The following UBN2 variants were observed in gnomAD, a reference collection of about 807,000 sequenced individuals.
UBN2 encodes the protein ubinuclein-2.
A neutral mutation model predicts 120.2 loss-of-function variants in UBN2; 35 were observed. The observed-to-expected ratio is 0.29, with a 90% confidence interval of 0.22 to 0.39. The LOEUF is 0.39. Ranked by LOEUF, UBN2 falls within the 10% of genes least tolerant of loss-of-function variation. The pLI is 1.00. For synonymous variants in UBN2, 661 were observed against 648.7 expected (o/e 1.02, Z -0.29); for missense variants, 1,693 against 1,663.2 (o/e 1.02, Z -0.31).
intron 3 of UBN2, 47 bp downstream of exon 3, chr7:139,252,104 G>A: frequency 6.6e-7 from 1 of 1,514,444 alleles, no homozygotes; most frequent in Non-Finnish European, 9.2e-7. Context: ...TGTTTGTATG[G>A]GATAGTAGAA....
chr7:139,262,261 G>A (rs980880463), intron 6 of UBN2, among the ~76,000 whole-genome samples: 2 of 151,640 alleles, frequency 1.3e-5, no homozygotes, highest in Admixed American at 6.6e-5. Flanking sequence ...CATCTCCCCC[G>A]GCTAATTTTT....
downstream of UBN2, among the ~76,000 whole-genome samples, chr7:139,310,505 T>C (rs949470542): frequency 2.0e-5 from 3 of 152,148 alleles, no homozygotes; most frequent in African/African-American, 4.8e-5. Flanking sequence ...GGCACAGTGG[T>C]CATGCCTGTA....
At position 139,303,748 on chromosome 7, in the gene UBN2, G is replaced by A. The variant is rs1026822290; in HGVS notation, c.*5912G>A. The A allele has an allele frequency of 1.3e-5, 2 of 151,904 alleles. No homozygotes were observed. The highest frequency in any genetic ancestry group is 2.9e-5 in the Non-Finnish European group (2 of 68,006). 9.4% of individuals were successfully genotyped at this position (151,904 alleles called of 1,614,324 possible). ...TAATGAGTATAAAAAGCACCCTATGGTTTTTAAATTTAAAAAAATCACTGG... is the reference window on the plus strand; with the variant it reads ...TAATGAGTATAAAAAGCACCCTATGATTTTTAAATTTAAAAAAATCACTGG... On this transcript the variant is annotated 3_prime_UTR_variant, in exon 18 of 18. Transcript: ENST00000473989.
chr7:139,283,559 G>A lies in UBN2; in HGVS notation c.2654G>A (p.Ser885Asn). 6.2e-7 allele frequency: 1 copy of A among 1,614,168 alleles called. No homozygotes were observed. Among genetic ancestry groups the A allele is most frequent in the Non-Finnish European group, 8.5e-7 (1 of 1,180,040 alleles). ...CTTCAACAAGGACTTCAGAGGTCAA[G>A]CCAGATTCACACTTCTTCCTCTTCA... ...RLLQQGLQRS[S>N]QIHTSSSSQT... Residue 885 changes from serine to asparagine, a missense_variant, in exon 15 of 18, where the codon AGC becomes AAC. Ser to Asn is a conservative substitution (Grantham distance 46, BLOSUM62 1). Coordinates refer to ENST00000473989, the MANE Select transcript of UBN2 (RefSeq NM_173569.4).
intron 2 of UBN2, among the ~76,000 whole-genome samples, chr7:139,240,454 A>ATTTTTTTTTTTTTTTTTT (rs10682001): frequency 8.1e-6 from 1 of 123,148 alleles, no homozygotes; most frequent in African/African-American, 3.2e-5. Context: ...ATATATATAT[A>ATTTTTTTTTTTTTTTTTT]TTTTTTTTTT....
At chr7:139,232,055 G>A in intron 1 of UBN2, 103 bp downstream of exon 1, 1 of 1,187,488 alleles carries the variant, frequency 8.4e-7, no homozygotes, top group Admixed American at 2.5e-5. Flanking sequence ...GCGCGTCCGG[G>A]TCGCCCCGAG....
rs1796926872 is a variant in UBN2, at chr7:139,261,356, C to T, written c.1010C>T (p.Ala337Val). Residue 337 changes from alanine to valine, a missense_variant, in exon 6 of 18, where the codon GCA becomes GTA. Ala to Val is a moderately conservative substitution (Grantham distance 64, BLOSUM62 0). Transcript: ENST00000473989. ...AGAAAATTCCAGAAAGAGAAGGATG[C>T]ATTAAAGAAGGAGTCTAACCCCAAA... ...MIRKFQKEKDALKKESNPKVP... is the reference protein window; with the variant it reads ...MIRKFQKEKDVLKKESNPKVP... 1 of 1,614,072 alleles carries T rather than the reference C, an allele frequency of 6.2e-7. No individual in the cohort carries two copies. Among genetic ancestry groups the T allele is most frequent in the South Asian group, 1.1e-5 (1 of 91,084 alleles).
intron 11 of UBN2, among the ~76,000 whole-genome samples, chr7:139,275,519 GT>G (rs1317008582): frequency 6.6e-6 from 1 of 151,592 alleles, no homozygotes; most frequent in African/African-American, 2.4e-5. Flanking sequence ...GGAGGCGGAG[GT>G]TGCAGTGAGC....
chr7:139,263,572 G>A (rs915250584), intron 6 of UBN2, among the ~76,000 whole-genome samples: 1 of 152,056 alleles, frequency 6.6e-6, no homozygotes, highest in African/African-American at 2.4e-5. Flanking sequence ...TCGGGAGTTT[G>A]AGACCAGCCT....
chr7:139,293,162 A>G (rs1310290557), intron 15 of UBN2, 70 bp from the exon 16 acceptor site: 1 of 1,266,750 alleles, frequency 7.9e-7, no homozygotes, highest in African/African-American at 1.5e-5. Flanking sequence ...ATCTGTGAGG[A>G]TATTATAGAA....
At chr7:139,324,572 A>AAG in the UBN2 span, among the ~76,000 whole-genome samples, 6 of 148,556 alleles carry the variant, frequency 4.0e-5, no homozygotes, top group African/African-American at 9.9e-5. Flanking sequence ...AAAAAAAAAA[A>AAG]AAAGAAAAAG....
At position 139,283,569 on chromosome 7, in the gene UBN2, C is replaced by T; in HGVS notation, c.2664C>T (p.His888=). The T allele has an allele frequency of 6.2e-7, 1 of 1,614,176 alleles. No individual in the cohort carries two copies. The highest frequency in any genetic ancestry group is 2.2e-5 in the East Asian group (1 of 44,880). Residue 888 remains histidine (H), a synonymous_variant, in exon 15 of 18, where the codon CAC becomes CAT. Transcript: ENST00000473989. The stretch of plus-strand genomic sequence containing the variant: ...GACTTCAGAGGTCAAGCCAGATTCA[C>T]ACTTCTTCCTCTTCACAGACCCATG... The part of the protein sequence containing the change: ...QQGLQRSSQI[H]TSSSSQTHVS...
In UBN2 at chr7:139,299,362, A is replaced by G. The variant is rs975967213; in HGVS notation, c.*1526A>G. 1 of 152,152 alleles carries G rather than the reference A, an allele frequency of 6.6e-6. No homozygotes were observed. The highest frequency in any genetic ancestry group is 1.5e-5 in the Non-Finnish European group (1 of 68,002). The allele number at this position is 152,152 out of a possible 1,614,324, so 9.4% of individuals were successfully genotyped here. A position where few individuals can be genotyped will look rare whatever the true frequency, so the allele number is the denominator to read the frequency against. On this transcript the variant is annotated 3_prime_UTR_variant, in exon 18 of 18. Transcript: ENST00000473989. ...ATATGTGTTTATTATACATTACCCT[A>G]TACCATTAGATTTACTCAATTAAGA... is the stretch of plus-strand genomic sequence containing the variant.
intron 15 of UBN2, among the ~76,000 whole-genome samples, chr7:139,284,843 A>G (rs1002447787): frequency 6.6e-6 from 1 of 152,120 alleles, no homozygotes; most frequent in Admixed American, 6.6e-5. Flanking sequence ...CTTCATTACA[A>G]GCAACCATCA....
At chr7:139,254,357 G>A (rs751041394) in intron 3 of UBN2, among the ~76,000 whole-genome samples, 5 of 152,180 alleles carry the variant, frequency 3.3e-5, no homozygotes, top group African/African-American at 7.2e-5. Flanking sequence ...AGGCAGTCTG[G>A]TCTGTAGAAG....
At chr7:139,321,251 C>G in the UBN2 span, among the ~76,000 whole-genome samples, 141 of 152,290 alleles carry the variant, frequency 9.3e-4, no homozygotes, top group Admixed American at 1.8e-3. Context: ...ACGTCCTGGC[C>G]GTGGCGGAAT....
the UBN2 span, among the ~76,000 whole-genome samples, chr7:139,317,477 T>G: frequency 6.6e-6 from 1 of 152,164 alleles, no homozygotes; most frequent in African/African-American, 2.4e-5. Context: ...TAATACGTTC[T>G]CTTACTTACA....
intron 1 of UBN2, among the ~76,000 whole-genome samples, chr7:139,233,817 T>A (rs1182744533): frequency 6.6e-6 from 1 of 151,988 alleles, no homozygotes; most frequent in Admixed American, 6.5e-5. Flanking sequence ...CTAGCTTTGT[T>A]AACTTGATAA....
Position 139,283,357 on chromosome 7 carries a change from C to T in UBN2, c.2452C>T (p.Pro818Ser). 1 of 1,613,882 alleles carries T rather than the reference C, an allele frequency of 6.2e-7. No homozygotes were observed. Among genetic ancestry groups the T allele is most frequent in the Middle Eastern group, 1.6e-4 (1 of 6,062 alleles). The change falls in exon 15 of 18, where the codon CCC (proline) becomes TCC (serine). Residue 818 changes from proline (P) to serine (S), a missense_variant. Physicochemically the swap from Pro to Ser is moderately conservative, Grantham distance 74. This residue lies in a region of UBN2 where 837 missense variants were observed against 817.6 expected (regional missense o/e 1.02). Transcript: ENST00000473989. ...SIMSKLPLAT[P>S]KKLDSTQTTH... ...CATGAGTAAGCTGCCACTAGCTACT[C>T]CCAAAAAACTAGATTCTACTCAGAC...
Sources: gnomAD v4.1 joint callset for allele counts (sites outside exome capture counted in the v4.1 genomes callset) on GRCh38, gnomAD v4.1.1 for gene constraint, gnomAD v4.1.1 regional missense constraint, MANE v1.5 for transcripts, NCBI Gene and HGNC (gene_info 2026-07-23, HGNC 2026-07-21) for gene names.